PCDH11X: variants seen among roughly 807,000 people sequenced by gnomAD.
PCDH11X encodes protocadherin-11 X-linked.
A neutral mutation model predicts 53.3 loss-of-function variants in PCDH11X; 18 were observed. The observed-to-expected ratio is 0.34, with a 90% CI of 0.23 to 0.50. The LOEUF is 0.50. Among genes scored for constraint, PCDH11X ranks in the 20% least tolerant of loss-of-function variants. The probability of loss-of-function intolerance (pLI) is 0.98; values close to 1 mark genes in which losing one functional copy is unlikely to be tolerated. For synonymous variants in PCDH11X, 279 were observed against 393.3 expected, an observed-to-expected ratio of 0.71 and a Z score of 3.44; for missense variants, 570 against 1,032.4, an observed-to-expected ratio of 0.55 and a Z score of 6.14.
rs543279758 is a variant in PCDH11X at position 92,082,409 on chromosome X, C to T, written c.3034-118966C>T. ...CTGAAATCATTTGTCTGAATGTCAC[C>T]GAAATGAAGTGAATAGTGTGATAGT... On this transcript the variant is annotated intron_variant, in intron 6 of 10. Transcript: ENST00000682573. Among the ~76,000 whole-genome samples the T allele has an allele frequency of 2.4e-4, 26 of 110,344 alleles. No homozygotes were observed. The South Asian group carries it at 9.3e-3, about 39-fold the overall frequency.
At chrX:92,608,835 T>C (rs1927072733) in intron 10 of PCDH11X, among the ~76,000 whole-genome samples, 1 of 111,082 alleles carries the variant, frequency 9.0e-6, no homozygotes, top group Admixed American at 9.6e-5. Flanking sequence ...CATGTATCTA[T>C]CACCATTTTC....
intron 10 of PCDH11X, among the ~76,000 whole-genome samples, chrX:92,513,215 C>A (rs2074194594): frequency 9.2e-6 from 1 of 108,672 alleles, no homozygotes; most frequent in Non-Finnish European, 1.9e-5. Context: ...ATACCCATTG[C>A]AATTTGAATA....
At position 92,139,503 on chromosome X, in the gene PCDH11X, C is replaced by T. The variant is rs750490896; in HGVS notation, c.3034-61872C>T. On this transcript the variant is annotated intron_variant, in intron 6 of 10. Transcript: ENST00000682573. Reference sequence around the variant, plus strand: ...GGTCTCAAGCTCCTGACCTTGTGATCCACCTGCCTCAGCCTCCCAAAGTGC... The same window carrying T: ...GGTCTCAAGCTCCTGACCTTGTGATTCACCTGCCTCAGCCTCCCAAAGTGC... Among the ~76,000 whole-genome samples, 7 of 109,105 alleles carry T rather than the reference C, an allele frequency of 6.4e-5. No individual in the cohort carries two copies. The East Asian group carries it at 2.0e-3, about 32-fold the overall frequency. 94.7% of individuals were successfully genotyped at this position (109,105 alleles called of 115,157 possible). A position where few individuals can be genotyped will look rare whatever the true frequency, so the allele number is the denominator to read the frequency against.
intron 6 of PCDH11X, among the ~76,000 whole-genome samples, chrX:92,002,338 C>G (rs1458800526): frequency 9.3e-6 from 1 of 107,533 alleles, no homozygotes; most frequent in Non-Finnish European, 1.9e-5. Flanking sequence ...TTATGTGATT[C>G]CTCAAGTTTT....
chrX:92,036,456 A>G (rs1315065966), intron 6 of PCDH11X, among the ~76,000 whole-genome samples: 1 of 109,156 alleles, frequency 9.2e-6, no homozygotes, highest in African/African-American at 3.4e-5. Context: ...TAGTCTTACG[A>G]GATTCGATGG....
intron 10 of PCDH11X, among the ~76,000 whole-genome samples, chrX:92,535,713 A>T (rs1192315644): frequency 1.8e-5 from 2 of 111,944 alleles, no homozygotes; most frequent in African/African-American, 6.5e-5. Context: ...TTAGTCAATT[A>T]GAAATTGAGG....
At chrX:92,406,849 C>T (rs1423088118) in intron 9 of PCDH11X, among the ~76,000 whole-genome samples, 1 of 106,457 alleles carries the variant, frequency 9.4e-6, no homozygotes, top group East Asian at 3.0e-4. Flanking sequence ...ATTGCTTGAA[C>T]CCCGGAGGCA....
intron 6 of PCDH11X, among the ~76,000 whole-genome samples, chrX:92,156,263 A>G (rs1405350572): frequency 3.6e-5 from 4 of 109,995 alleles, no homozygotes; most frequent in Non-Finnish European, 7.6e-5. Context: ...CCTTGTTCAC[A>G]TAGTCTCCTT....
chrX:91,894,806 C>G (rs1940674482), intron 6 of PCDH11X, among the ~76,000 whole-genome samples: 1 of 111,027 alleles, frequency 9.0e-6, no homozygotes, highest in Non-Finnish European at 1.9e-5. Context: ...TGCAACATAT[C>G]CTTTTTTAGG....
At chrX:92,047,586 C>A (rs764831065) in intron 6 of PCDH11X, among the ~76,000 whole-genome samples, 1 of 109,059 alleles carries the variant, frequency 9.2e-6, no homozygotes, top group Admixed American at 1.0e-4. Flanking sequence ...GAAACCTAAA[C>A]AGAAAATATT....
At chrX:91,882,851 A>G in intron 6 of PCDH11X, 1 of 1,171,307 alleles carries the variant, frequency 8.5e-7, no homozygotes, top group Non-Finnish European at 1.1e-6. Flanking sequence ...TTGGCAAATG[A>G]AACTCCTAGA....
intron 7 of PCDH11X, 87 bp downstream of exon 7, chrX:92,201,542 A>C: frequency 3.8e-6 from 2 of 526,129 alleles, no homozygotes; most frequent in Non-Finnish European, 6.1e-6. Context: ...AGTAGTGTGC[A>C]TAATGTGTAT....
chrX:92,283,584 C>T (rs945694446), intron 8 of PCDH11X, among the ~76,000 whole-genome samples: 7 of 111,649 alleles, frequency 6.3e-5, no homozygotes, highest in Admixed American at 2.9e-4. Context: ...CTGGTTTTCT[C>T]CGTAATTCCA....
At chrX:92,217,187 A>G (rs1335278889) in intron 7 of PCDH11X, among the ~76,000 whole-genome samples, 1 of 110,943 alleles carries the variant, frequency 9.0e-6, no homozygotes, top group Non-Finnish European at 1.9e-5. Context: ...AACAGGATCA[A>G]ATTCACACAT....
intron 6 of PCDH11X, among the ~76,000 whole-genome samples, chrX:92,052,079 A>G (rs2063375534): frequency 1.8e-5 from 2 of 110,946 alleles, no homozygotes; most frequent in African/African-American, 6.5e-5. Context: ...TTGCTCCTCA[A>G]ATCATTCTTA....
intron 1 of PCDH11X, among the ~76,000 whole-genome samples, chrX:91,782,775 A>C (rs918199491): frequency 9.8e-5 from 11 of 111,765 alleles, no homozygotes; most frequent in African/African-American, 3.6e-4. Flanking sequence ...AGGTTTCTTT[A>C]AGACGGAAGC....
intron 6 of PCDH11X, among the ~76,000 whole-genome samples, chrX:92,154,154 T>C (rs974765680): frequency 9.0e-6 from 1 of 110,595 alleles, no homozygotes; most frequent in African/African-American, 3.3e-5. Context: ...AGTCTACCTA[T>C]CTATTGATTG....
intron 6 of PCDH11X, among the ~76,000 whole-genome samples, chrX:92,098,636 CTTTTTTT>C (rs34306564): frequency 9.1e-5 from 4 of 43,908 alleles, no homozygotes; most frequent in African/African-American, 1.9e-4. Context: ...TCCAAATGCT[CTTTTTTT>C]TTTTTTTTTT....
chrX:91,886,783 AAC>A (rs1254666287), intron 6 of PCDH11X, among the ~76,000 whole-genome samples: 2 of 108,617 alleles, frequency 1.8e-5, no homozygotes, highest in Non-Finnish European at 3.8e-5. Context: ...CATCCTGGCT[AAC>A]ACAGTGAAAC....
Sources: gnomAD v4.1 joint callset for allele counts (sites outside exome capture counted in the v4.1 genomes callset) on GRCh38, gnomAD v4.1.1 for gene constraint, MANE v1.5 for transcripts, NCBI Gene and HGNC (gene_info 2026-07-23, HGNC 2026-07-21) for gene names.